Variants in SLC14A2 observed in about 807,000 individuals in gnomAD.
SLC14A2 encodes the protein solute carrier family 14 member 2.
A neutral mutation model predicts 104.6 loss-of-function variants in SLC14A2; 91 were observed. That is an observed-to-expected ratio of 0.87 (90% CI 0.73 to 1.04). SLC14A2 has a LOEUF of 1.04. Among genes scored for constraint, SLC14A2 ranks in the 50% least tolerant of loss-of-function variants. SLC14A2 has a pLI of 0.00. For missense variants in SLC14A2, 1,189 were observed against 1,156.0 expected (o/e 1.03, Z -0.41); for synonymous variants, 476 against 466.4 (o/e 1.02, Z -0.27).
intron 2 of SLC14A2, among the ~76,000 whole-genome samples, chr18:45,597,811 C>A (rs1422051592): frequency 6.6e-6 from 1 of 152,130 alleles, no homozygotes; most frequent in Non-Finnish European, 1.5e-5. Context: ...GATGGTGGTG[C>A]CTTAGACTCA....
intron 12 of SLC14A2, among the ~76,000 whole-genome samples, 170 bp downstream of exon 12, chr18:45,666,389 T>C (rs2046024570): frequency 6.6e-6 from 1 of 152,226 alleles, no homozygotes; most frequent in South Asian, 2.1e-4. Context: ...TTTCACAGTT[T>C]ACTTTGTAAC....
At chr18:45,268,964 T>TTGTGTGTGTGTGTGTGTG (rs3050837) in intron 1 of SLC14A2, among the ~76,000 whole-genome samples, 4,249 of 143,490 alleles carry the variant, frequency 0.03, 136 homozygotes, top group East Asian at 0.093. Context: ...GTTGGTGTGT[T>TTGTGTGTGTGTGTGTGTG]TGTGTGTGTG....
At chr18:45,173,767 G>T in the SLC14A2 span, among the ~76,000 whole-genome samples, 1 of 152,038 alleles carries the variant, frequency 6.6e-6, no homozygotes, top group Non-Finnish European at 1.5e-5. Context: ...GAAATGTATG[G>T]CTCTGTTTGC....
At chr18:45,643,300 C>T (rs531052608) in intron 9 of SLC14A2, 119 bp downstream of exon 9, 224 of 850,902 alleles carry the variant, frequency 2.6e-4, no homozygotes, top group African/African-American at 2.3e-3. Context: ...GGTGCTCACA[C>T]GACATCTCTG....
intron 1 of SLC14A2, among the ~76,000 whole-genome samples, chr18:45,430,465 C>T (rs1385852127): frequency 6.6e-6 from 1 of 152,150 alleles, no homozygotes; most frequent in Non-Finnish European, 1.5e-5. Context: ...TCACGTAGCA[C>T]TAACTAAAGA....
rs59843067 is a variant in SLC14A2, at chr18:45,648,195, C to CTTTTTTTTT, written c.1351+4055_1351+4063dup. The stretch of plus-strand genomic sequence containing the variant: ...GTTACCCTCTTTATTCTAGTTAATG[C>CTTTTTTTTT]TTTTTTTTTTTTTTTTTTTTTTTTT... On this transcript the variant is annotated intron_variant, in intron 10 of 19. Transcript: ENST00000255226. Among the ~76,000 whole-genome samples, 36 of 101,240 alleles carry CTTTTTTTTT rather than the reference C, an allele frequency of 3.6e-4. 2 individuals carry two copies. The highest frequency in any genetic ancestry group is 1.1e-3 in the African/African-American group (29 of 25,942). 66.4% of individuals were successfully genotyped at this position (101,240 alleles called of 152,430 possible). A position where few individuals can be genotyped will look rare whatever the true frequency, so the allele number is the denominator to read the frequency against.
chr18:45,580,378 T>A (rs537635620), intron 2 of SLC14A2, among the ~76,000 whole-genome samples: 16 of 152,118 alleles, frequency 1.1e-4, no homozygotes, highest in Non-Finnish European at 1.8e-4. Flanking sequence ...GGGAAGAACA[T>A]ACAGCAAGGC....
chr18:45,284,451 T>C (rs1469349268), intron 1 of SLC14A2, among the ~76,000 whole-genome samples: 2 of 152,148 alleles, frequency 1.3e-5, no homozygotes, highest in Non-Finnish European at 2.9e-5. Flanking sequence ...GTCTCCTTCA[T>C]GCTCTAGGTC....
At chr18:45,679,302 C>T (rs796611428) in intron 19 of SLC14A2, among the ~76,000 whole-genome samples, 1 of 152,212 alleles carries the variant, frequency 6.6e-6, no homozygotes, top group African/African-American at 2.4e-5. Context: ...AAATTCCTTT[C>T]TATCTTCCTC....
At chr18:45,520,812 TGGGTTACCATGAGAAGATAA>T (rs1252201049) in intron 2 of SLC14A2, among the ~76,000 whole-genome samples, 3 of 152,164 alleles carry the variant, frequency 2.0e-5, no homozygotes, top group African/African-American at 7.2e-5. Flanking sequence ...ATCTAATTTG[TGGGTTACCATGAGAAGATAA>T]GGGAAAGGCT....
At chr18:45,231,159 G>T (rs2084170647) in intron 1 of SLC14A2, among the ~76,000 whole-genome samples, 1 of 151,966 alleles carries the variant, frequency 6.6e-6, no homozygotes, top group Non-Finnish European at 1.5e-5. Flanking sequence ...CAACCCAGAG[G>T]CAAAAGCTGA....
intron 2 of SLC14A2, among the ~76,000 whole-genome samples, chr18:45,500,622 T>C (rs1218075909): frequency 6.7e-6 from 1 of 149,818 alleles, no homozygotes; most frequent in Non-Finnish European, 1.5e-5. Flanking sequence ...TCCTGACGCA[T>C]GAGTGTGTTA....
intron 2 of SLC14A2, among the ~76,000 whole-genome samples, chr18:45,557,065 C>A (rs1568275426): frequency 6.6e-6 from 1 of 152,214 alleles, no homozygotes; most frequent in Non-Finnish European, 1.5e-5. Context: ...GAAAGAGTAG[C>A]CAATGCTAGC....
intron 2 of SLC14A2, among the ~76,000 whole-genome samples, chr18:45,535,875 A>G (rs1182188290): frequency 6.6e-6 from 1 of 152,218 alleles, no homozygotes; most frequent in Admixed American, 6.5e-5. Context: ...TTGGAACTAT[A>G]GGCAATGAAG....
chr18:45,597,979 G>A (rs779990921), intron 2 of SLC14A2, among the ~76,000 whole-genome samples: 6 of 152,162 alleles, frequency 3.9e-5, no homozygotes, highest in Non-Finnish European at 7.3e-5. Context: ...GGAGCCTCAT[G>A]GGAGGATGGG....
At position 45,636,989 on chromosome 18, in the gene SLC14A2, G is replaced by T. The variant is rs1021513319; in HGVS notation, c.651-1G>T. 1.2e-6 allele frequency: 2 copies of T among 1,613,250 alleles called. No homozygotes were observed. The highest frequency in any genetic ancestry group is 1.7e-6 in the Non-Finnish European group (2 of 1,179,516). On this transcript the variant is annotated splice_acceptor_variant, in intron 5 of 19. Coordinates refer to ENST00000255226, the MANE Select transcript of SLC14A2 (RefSeq NM_007163.4). LOFTEE classifies it high-confidence loss of function. The stretch of plus-strand genomic sequence containing the variant: ...TAACCCTCTGTCTCTTGCATCTTCA[G>T]CCCAGTTCTTTCTAGTGCCTTGAAT...
chr18:45,526,348 G>A (rs2043594064), intron 2 of SLC14A2, among the ~76,000 whole-genome samples: 1 of 152,184 alleles, frequency 6.6e-6, no homozygotes, highest in African/African-American at 2.4e-5. Context: ...GCAGCAAAAT[G>A]TTCATTCCTA....
chr18:45,439,276 C>G (rs1002064025), intron 1 of SLC14A2, among the ~76,000 whole-genome samples: 1 of 151,890 alleles, frequency 6.6e-6, no homozygotes, highest in African/African-American at 2.4e-5. Context: ...AAGACTCTAT[C>G]TCTTAAAAAA....
At chr18:45,287,332 A>G (rs2084824583) in intron 1 of SLC14A2, among the ~76,000 whole-genome samples, 1 of 152,238 alleles carries the variant, frequency 6.6e-6, no homozygotes, top group African/African-American at 2.4e-5. Context: ...ATAACAGCAT[A>G]TTGATTGTCA....
Sources: gnomAD v4.1 joint callset for allele counts (sites outside exome capture counted in the v4.1 genomes callset) on GRCh38, gnomAD v4.1.1 for gene constraint, MANE v1.5 for transcripts, NCBI Gene and HGNC (gene_info 2026-07-23, HGNC 2026-07-21) for gene names.